MYO1G: variants seen among roughly 807,000 people sequenced by gnomAD.
The protein encoded by MYO1G is myosin IG.
In MYO1G, 65 loss-of-function variants were observed where a neutral mutation model predicts 115.3. The ratio of observed to expected loss-of-function variants is 0.56; its 90% confidence interval spans 0.46 to 0.69. The LOEUF (loss-of-function observed/expected upper bound fraction) is 0.69, where lower values mean the gene tolerates loss of function less well. Ranked by LOEUF, MYO1G falls within the 30% of genes least tolerant of loss-of-function variation. The probability of loss-of-function intolerance (pLI) is 0.00; values close to 1 mark genes in which losing one functional copy is unlikely to be tolerated. For missense variants in MYO1G, 1,204 were observed against 1,393.5 expected (o/e 0.86, Z 2.16); for synonymous variants, 510 against 552.6 (o/e 0.92, Z 1.08).
chr7:44,970,272 CCT>C, intron 9 of MYO1G, 118 bp from the exon 10 acceptor site: 1 of 787,076 alleles, frequency 1.3e-6, no homozygotes, highest in Non-Finnish European at 2.1e-6. Flanking sequence ...GTGCCAGCAC[CCT>C]GTGTGGCTTC....
Position 44,971,008 on chromosome 7 carries a change from G to A in MYO1G, c.898C>T (p.Leu300=). The A allele has an allele frequency of 6.2e-7, 1 of 1,613,356 alleles. No homozygotes were observed. The highest frequency in any genetic ancestry group is 1.3e-5 in the African/African-American group (1 of 75,064). ...TEEGGLQKEG[L]AVAEEALVDH... The stretch of plus-strand genomic sequence containing the variant: ...ACCAGTGCCTCCTCGGCCACTGCCA[G>A]GCCCTCCTTCTGCAGCCCACCCTCC... Residue 300 remains leucine (L), a synonymous_variant, in exon 8 of 22, where the codon CTG becomes TTG. Coordinates refer to ENST00000258787, the MANE Select transcript of MYO1G (RefSeq NM_033054.3).
intron 7 of MYO1G, 66 bp downstream of exon 7, chr7:44,971,607 G>T: frequency 8.3e-7 from 1 of 1,204,112 alleles, no homozygotes; most frequent in Non-Finnish European, 1.2e-6. Context: ...CCTCATCCCT[G>T]GGTGCTTCCC....
chr7:44,965,890 A>G lies in MYO1G; in HGVS notation c.2158-30T>C, dbSNP rs771345479. Reference sequence around the variant, plus strand: ...GTGGGCCAGGTGGGATGGGATACGCAGTCAAATTCAATCAGGCCCTAACCC... The same window carrying G: ...GTGGGCCAGGTGGGATGGGATACGCGGTCAAATTCAATCAGGCCCTAACCC... On this transcript the variant is annotated intron_variant, in intron 16 of 21. Transcript: ENST00000258787. The G allele has an allele frequency of 3.1e-6, 5 of 1,592,224 alleles. No homozygotes were observed. In the Middle Eastern group the frequency reaches 6.2e-4, roughly 198 times the overall value.
intron 5 of MYO1G, chr7:44,972,525 G>A: frequency 2.6e-6 from 1 of 387,600 alleles, no homozygotes; most frequent in Non-Finnish European, 4.9e-6. Flanking sequence ...CCTCGACCCA[G>A]GGGGATCCCA....
Position 44,962,934 on chromosome 7 carries a change from G to C in MYO1G, c.2900+36C>G. 2 of 1,503,934 alleles carry C rather than the reference G, an allele frequency of 1.3e-6. No individual in the cohort carries two copies. The highest frequency in any genetic ancestry group is 2.9e-5 in the African/African-American group (2 of 69,336). 93.2% of individuals were successfully genotyped at this position (1,503,934 alleles called of 1,614,324 possible). ...AGGGGTCAGGGCGGCCACGCGGCCGGGGCTTCGTGCCCGCTACCGCCCAGC... is the reference window on the plus strand; with the variant it reads ...AGGGGTCAGGGCGGCCACGCGGCCGCGGCTTCGTGCCCGCTACCGCCCAGC... On this transcript the variant is annotated intron_variant, in intron 21 of 21. Transcript: ENST00000258787. The surrounding 1 kb of genome is among the most constrained non-coding windows in gnomAD (Gnocchi z 5.3).
In MYO1G at chr7:44,966,110, G is replaced by A. The variant is rs1476010542; in HGVS notation, c.2120C>T (p.Ala707Val). Residue 707 changes from alanine (A) to valine (V), a missense_variant, in exon 16 of 22, where the codon GCC (alanine) becomes GTC (valine). Physicochemically the swap from Ala to Val is moderately conservative, Grantham distance 64. Coordinates refer to ENST00000258787, the MANE Select transcript of MYO1G (RefSeq NM_033054.3). The surrounding 1 kb of genome is among the most constrained non-coding windows in gnomAD (Gnocchi z 5.0). Reference protein sequence around the residue: ...RTLVTLEQSRARLIPIIVLLL... With the variant: ...RTLVTLEQSRVRLIPIIVLLL... ...CAGCACAATGATGGGGATGAGGCGGGCTCGGCTCTGCTCCAGTGTGACCAG... is the reference window on the plus strand; with the variant it reads ...CAGCACAATGATGGGGATGAGGCGGACTCGGCTCTGCTCCAGTGTGACCAG... 3.7e-6 allele frequency: 6 copies of A among 1,612,746 alleles called. No homozygotes were observed. Among genetic ancestry groups the A allele is most frequent in the South Asian group, 2.2e-5 (2 of 91,078 alleles).
At position 44,978,910 on chromosome 7, in the gene MYO1G, C is replaced by T. The variant is rs140641126; in HGVS notation, c.52G>A (p.Asp18Asn). ...ATGAAGTCCTCCATGGTCACTTGGTCCAAAAGCACAAAGTCAGGTTTGCCA... is the reference window on the plus strand; with the variant it reads ...ATGAAGTCCTCCATGGTCACTTGGTTCAAAAGCACAAAGTCAGGTTTGCCA... Reference protein sequence around the residue: ...EYGKPDFVLLDQVTMEDFMRN... With the variant: ...EYGKPDFVLLNQVTMEDFMRN... The change falls in exon 1 of 22, where the codon GAC (aspartate) becomes AAC (asparagine). Residue 18 changes from aspartate to asparagine, a missense_variant. Coordinates refer to ENST00000258787, the MANE Select transcript of MYO1G (RefSeq NM_033054.3). 1 of 1,614,076 alleles carries T rather than the reference C, an allele frequency of 6.2e-7. No individual in the cohort carries two copies. The highest frequency in any genetic ancestry group is 8.5e-7 in the Non-Finnish European group (1 of 1,180,036).
intron 1 of MYO1G, 86 bp downstream of exon 1, chr7:44,978,781 C>T (rs1338324046): frequency 2.3e-6 from 3 of 1,307,330 alleles, no homozygotes; most frequent in Non-Finnish European, 3.3e-6. Flanking sequence ...CAGCAGCGTG[C>T]CTTCCTCTTT....
At chr7:44,968,379 C>T (rs1794890411) in intron 12 of MYO1G, 1 of 181,080 alleles carries the variant, frequency 5.5e-6, no homozygotes, top group African/African-American at 2.4e-5. Context: ...ACTCCTGAGT[C>T]CTGGGCCTAT....
Position 44,965,852 on chromosome 7 carries a change from C to G in MYO1G, c.2166G>C (p.Arg722=). 6.3e-7 allele frequency: 1 copy of G among 1,598,942 alleles called. No homozygotes were observed. Among genetic ancestry groups the G allele is most frequent in the Non-Finnish European group, 8.5e-7 (1 of 1,179,886 alleles). The change falls in exon 17 of 22, where the codon CGG becomes CGC. Residue 722 remains arginine (R), a synonymous_variant. Transcript: ENST00000258787. ...IIVLLLQKAW[R]GTLARWRCRR... is the part of the protein sequence containing the mutation. ...GGCAGCGCCACCTCGCCAAGGTGCC[C>G]CGCCATGCCTGGGTGGGCCAGGTGG... is the stretch of plus-strand genomic sequence containing the variant.
rs374832205 is a variant in MYO1G, at chr7:44,970,902, C to G, written c.1004G>C (p.Gly335Ala). The G allele has an allele frequency of 5.6e-6, 9 of 1,613,456 alleles. No individual in the cohort carries two copies. The highest frequency in any genetic ancestry group is 7.6e-6 in the Non-Finnish European group (9 of 1,180,050). ...GTGGCCCTTCTCTATGAGTTCCCTGCCTCCCGAGGCAACTGTGCGAGCCAG... is the reference window on the plus strand; with the variant it reads ...GTGGCCCTTCTCTATGAGTTCCCTGGCTCCCGAGGCAACTGTGCGAGCCAG... ...SLLARTVASGGRELIEKGHTA... is the reference protein window; with the variant it reads ...SLLARTVASGARELIEKGHTA... Residue 335 changes from glycine (G) to alanine (A), a missense_variant, in exon 8 of 22, where the codon GGC becomes GCC. Gly to Ala is a moderately conservative substitution (Grantham distance 60, BLOSUM62 0). Transcript: ENST00000258787.
chr7:44,972,004 G>A (rs1352818774), intron 6 of MYO1G, 111 bp downstream of exon 6: 5 of 912,024 alleles, frequency 5.5e-6, no homozygotes, highest in South Asian at 1.4e-5. Context: ...CCCCACTCAC[G>A]CAAACAGTTC....
In MYO1G at chr7:44,967,952, G is replaced by A. The variant is rs369468047; in HGVS notation, c.1581C>T (p.Ser527=). The change falls in exon 13 of 22, where the codon TCC becomes TCT. Residue 527 remains serine (S), a synonymous_variant. Coordinates refer to ENST00000258787, the MANE Select transcript of MYO1G (RefSeq NM_033054.3). ...IKHYAGDVTY[S]VEGFIDKNRD... ...TGTTCTTGTCGATGAAGCCTTCCACGGAGTACCTACCAGAAGCCAGGGCTG... is the reference window on the plus strand; with the variant it reads ...TGTTCTTGTCGATGAAGCCTTCCACAGAGTACCTACCAGAAGCCAGGGCTG... 158 of 1,613,878 alleles carry A rather than the reference G, an allele frequency of 9.8e-5. No homozygotes were observed. The highest frequency in any genetic ancestry group is 1.6e-4 in the Middle Eastern group (1 of 6,062).
At chr7:44,976,412 T>G in intron 3 of MYO1G, 152 bp downstream of exon 3, 1 of 723,860 alleles carries the variant, frequency 1.4e-6, no homozygotes, top group South Asian at 1.7e-5. Flanking sequence ...CCGGGTGTGT[T>G]GGCATTATCT....
At chr7:44,970,302 C>A (rs1308771869) in intron 9 of MYO1G, 148 bp from the exon 10 acceptor site, 3 of 714,134 alleles carry the variant, frequency 4.2e-6, no homozygotes, top group Non-Finnish European at 7.1e-6. Flanking sequence ...CTTATGCATC[C>A]CTGCCCTGGA....
At chr7:44,972,041 TG>T in intron 6 of MYO1G, 73 bp downstream of exon 6, 2 of 1,201,316 alleles carry the variant, frequency 1.7e-6, no homozygotes, top group Non-Finnish European at 2.5e-6. Context: ...TGCTGAGTGC[TG>T]CCCATTCCCT....
Position 44,969,663 on chromosome 7 carries a change from C to T in MYO1G, c.1503+42G>A. The T allele has an allele frequency of 1.2e-6, 2 of 1,603,970 alleles. No individual in the cohort carries two copies. Among genetic ancestry groups the T allele is most frequent in the Non-Finnish European group, 1.7e-6 (2 of 1,175,656 alleles). On this transcript the variant is annotated intron_variant, in intron 11 of 21. Coordinates refer to ENST00000258787, the MANE Select transcript of MYO1G (RefSeq NM_033054.3). This position sits in a 1 kb window ranked among gnomAD's most constrained non-coding sequence, Gnocchi z 5.0. ...GCAGCATGGTGCCTGTGGGGCAGGT[C>T]CCACCAGCCCACTGTGGTGGCACTG...
Position 44,971,050 on chromosome 7 carries a change from C to T in MYO1G, c.856G>A (p.Glu286Lys), listed in dbSNP as rs755789533. The change falls in exon 8 of 22, where the codon GAG (glutamate) becomes AAG (lysine). Residue 286 changes from glutamate (E) to lysine (K), a missense_variant. Coordinates refer to ENST00000258787, the MANE Select transcript of MYO1G (RefSeq NM_033054.3). The part of the protein sequence containing the change: ...LAAILHLGNI[E>K]FVETEEGGLQ... ...CCACCCTCCTCCGTCTCCACAAACT[C>T]GATGTTTCCCTGGTGATGGGAAAAC... The T allele has an allele frequency of 4.3e-6, 7 of 1,609,950 alleles. No homozygotes were observed. The highest frequency in any genetic ancestry group is 2.2e-5 in the East Asian group (1 of 44,800).
rs371969345 is a variant in MYO1G at position 44,965,084 on chromosome 7, C to G, written c.2387G>C (p.Arg796Pro). 1.2e-6 allele frequency: 2 copies of G among 1,604,968 alleles called. No individual in the cohort carries two copies. Among genetic ancestry groups the G allele is most frequent in the African/African-American group, 2.7e-5 (2 of 74,762 alleles). The change falls in exon 18 of 22, where the codon CGG (arginine) becomes CCG (proline). Residue 796 changes from arginine (R) to proline (P), a missense_variant. Arg to Pro is a moderately radical substitution (Grantham distance 103, BLOSUM62 -2). Transcript: ENST00000258787. ...DTCHALFCRW[R>P]ARQLVKNIPP... ...GATGTTCTTCACCAGCTGCCGGGCC[C>G]GCCACCTGGGAGAGGGCATGTAGTC...
Sources: gnomAD v4.1 joint callset for allele counts on GRCh38, gnomAD v4.1.1 for gene constraint, Gnocchi (gnomAD v3.1) non-coding constraint, MANE v1.5 for transcripts, NCBI Gene and HGNC (gene_info 2026-07-23, HGNC 2026-07-21) for gene names.